CRB1: variants seen among roughly 807,000 people sequenced by gnomAD.
CRB1 encodes crumbs cell polarity complex component 1.
CRB1 carries 83 observed loss-of-function variants against 120.0 expected under a neutral mutation model. The observed-to-expected ratio is 0.69, with a 90% CI of 0.58 to 0.83. The LOEUF (loss-of-function observed/expected upper bound fraction) is 0.83. Ranked by LOEUF, CRB1 falls within the 40% of genes least tolerant of loss-of-function variation. CRB1 has a pLI of 0.00. For missense variants in CRB1, 1,699 were observed against 1,687.6 expected, an observed-to-expected ratio of 1.01 and a Z score of -0.12; for synonymous variants, 625 against 612.5, an observed-to-expected ratio of 1.02 and a Z score of -0.30.
chr1:197,371,424 G>A (rs1661365191), intron 5 of CRB1, among the ~76,000 whole-genome samples: 1 of 152,020 alleles, frequency 6.6e-6, no homozygotes, highest in Non-Finnish European at 1.5e-5. Flanking sequence ...CCCAAGATGA[G>A]CCTTTTTAAA....
chr1:197,401,033 T>A (rs534726922), intron 5 of CRB1, among the ~76,000 whole-genome samples: 5 of 152,122 alleles, frequency 3.3e-5, no homozygotes, highest in Non-Finnish European at 5.9e-5. Context: ...TAGTTTTGTA[T>A]CCGAATAAAT....
At chr1:197,325,311 A>T (rs1183209445) in intron 1 of CRB1, among the ~76,000 whole-genome samples, 1 of 152,312 alleles carries the variant, frequency 6.6e-6, no homozygotes, top group East Asian at 1.9e-4. Flanking sequence ...TTAGACCTGG[A>T]AATTTTGAGT....
chr1:197,427,329 G>A (rs559351341), intron 6 of CRB1, 125 bp from the exon 7 acceptor site: 17 of 737,450 alleles, frequency 2.3e-5, no homozygotes, highest in Non-Finnish European at 3.8e-5. Context: ...AGCTATGTAT[G>A]AGTGTGTATG....
chr1:197,472,137 A>G (rs1196232670), intron 11 of CRB1, among the ~76,000 whole-genome samples: 2 of 152,238 alleles, frequency 1.3e-5, no homozygotes, highest in Non-Finnish European at 2.9e-5. Flanking sequence ...AGACACAACT[A>G]GTTTCAGAAA....
At chr1:197,306,421 A>C (rs905657130) in intron 1 of CRB1, among the ~76,000 whole-genome samples, 16 of 152,182 alleles carry the variant, frequency 1.1e-4, no homozygotes, top group African/African-American at 3.9e-4. Flanking sequence ...TCCTGTCCTA[A>C]ATTTTGGGTT....
At chr1:197,322,094 T>C (rs930935163) in intron 1 of CRB1, among the ~76,000 whole-genome samples, 6 of 152,176 alleles carry the variant, frequency 3.9e-5, no homozygotes, top group African/African-American at 1.4e-4. Context: ...TTTTGAGCAC[T>C]TGAAATGTGA....
chr1:197,450,356 C>T (rs1483546839), intron 11 of CRB1, among the ~76,000 whole-genome samples: 1 of 152,050 alleles, frequency 6.6e-6, no homozygotes, highest in Non-Finnish European at 1.5e-5. Context: ...CACTACATTC[C>T]GGGGAAAACA....
chr1:197,252,578 A>ATGTGTGTG, the CRB1 span, among the ~76,000 whole-genome samples: 33 of 28,672 alleles, frequency 1.2e-3, no homozygotes, highest in Non-Finnish European at 2.0e-3. Flanking sequence ...ATATATATAT[A>ATGTGTGTG]TATATGTGTG....
chr1:197,348,331 A>G (rs951290008), intron 4 of CRB1, among the ~76,000 whole-genome samples: 4 of 152,198 alleles, frequency 2.6e-5, no homozygotes, highest in Admixed American at 2.6e-4. Context: ...CAAGATGTGG[A>G]GGTAGAAGAC....
chr1:197,318,849 G>T (rs1289244750), intron 1 of CRB1, among the ~76,000 whole-genome samples: 1 of 152,134 alleles, frequency 6.6e-6, no homozygotes, highest in Non-Finnish European at 1.5e-5. Context: ...TAGGGAACAA[G>T]TGGGGATAGG....
At chr1:197,213,223 C>T in the CRB1 span, among the ~76,000 whole-genome samples, 2 of 152,192 alleles carry the variant, frequency 1.3e-5, no homozygotes, top group Non-Finnish European at 2.9e-5. Context: ...CAAACCAACT[C>T]TCCTACTGAG....
chr1:197,235,917 A>G, the CRB1 span, among the ~76,000 whole-genome samples: 3 of 152,142 alleles, frequency 2.0e-5, no homozygotes, highest in East Asian at 3.9e-4. Context: ...GGTGACTTGA[A>G]TGCAACCACA....
chr1:197,370,600 A>G (rs959705824), intron 5 of CRB1, among the ~76,000 whole-genome samples: 4 of 152,232 alleles, frequency 2.6e-5, no homozygotes, highest in African/African-American at 9.6e-5. Context: ...AAGGAAATTT[A>G]AAAATTCCTT....
upstream of CRB1, among the ~76,000 whole-genome samples, chr1:197,264,335 G>A (rs2125190449): frequency 6.6e-6 from 1 of 152,250 alleles, no homozygotes; most frequent in South Asian, 2.1e-4. Flanking sequence ...GAATTCCATT[G>A]TGTTATATAT....
the CRB1 span, among the ~76,000 whole-genome samples, chr1:197,243,577 A>C: frequency 1.3e-5 from 2 of 152,010 alleles, no homozygotes; most frequent in African/African-American, 4.8e-5. Context: ...TTTGCTGAGG[A>C]GTGTTTTACT....
chr1:197,203,782 A>G, the CRB1 span, among the ~76,000 whole-genome samples: 7 of 152,242 alleles, frequency 4.6e-5, no homozygotes, highest in African/African-American at 1.7e-4. Flanking sequence ...TTTAAATCCT[A>G]TGGATTAATT....
intron 4 of CRB1, among the ~76,000 whole-genome samples, chr1:197,353,826 A>C (rs1033083421): frequency 6.6e-6 from 1 of 151,000 alleles, no homozygotes; most frequent in Admixed American, 6.6e-5. Context: ...AAAAAAAAAA[A>C]AAAAAAAAAA....
rs140589611 is a variant in CRB1, at chr1:197,340,396, G to C, written c.653-3885G>C. ...TTTAGAAGCTTCTACTGCATTACAA[G>C]GCAATTATGCTTTATTTCAGAGACA... On this transcript the variant is annotated intron_variant, in intron 2 of 11. Transcript: ENST00000367400. Among the ~76,000 whole-genome samples the C allele has an allele frequency of 7.3e-3, 1,106 of 152,232 alleles. 17 individuals carry two copies. Among genetic ancestry groups the C allele is most frequent in the African/African-American group, 0.026 (1,068 of 41,526 alleles).
intron 6 of CRB1, among the ~76,000 whole-genome samples, chr1:197,426,281 C>T (rs1272093761): frequency 1.3e-5 from 2 of 152,040 alleles, no homozygotes; most frequent in Non-Finnish European, 2.9e-5. Flanking sequence ...TCTTGAGTTG[C>T]TACAATAATG....
Sources: allele counts gnomAD v4.1 joint callset (sites outside exome capture counted in the v4.1 genomes callset), GRCh38; gene constraint gnomAD v4.1.1; transcripts MANE v1.5; gene names NCBI Gene and HGNC (gene_info 2026-07-23, HGNC 2026-07-21).